Variants in RPS6KA4 observed in about 807,000 individuals in gnomAD.
The protein encoded by RPS6KA4 is ribosomal protein S6 kinase alpha-4.
In RPS6KA4, 38 loss-of-function variants were observed where a neutral mutation model predicts 89.6. The observed-to-expected ratio is 0.42, with a 90% CI of 0.33 to 0.56. The LOEUF is 0.56. Ranked by LOEUF, RPS6KA4 falls within the 20% of genes least tolerant of loss-of-function variation. The probability of loss-of-function intolerance (pLI) is 0.07; values close to 1 mark genes in which losing one functional copy is unlikely to be tolerated. For synonymous variants in RPS6KA4, 495 were observed against 492.8 expected (o/e 1.00, Z -0.06); for missense variants, 873 against 1,098.8 (o/e 0.79, Z 2.90).
In RPS6KA4 at chr11:64,360,545, C is replaced by T; in HGVS notation, c.415C>T (p.Arg139Cys). The change falls in exon 4 of 17, where the codon CGC becomes TGC. Residue 139 changes from arginine to cysteine, a missense_variant. Coordinates refer to ENST00000334205, the MANE Select transcript of RPS6KA4 (RefSeq NM_003942.3). ...CCAGTACTTCAAGGAGGCTGAGGTG[C>T]GCGTGTATGGGGGTGAGATCGTGCT... ...QRQYFKEAEVRVYGGEIVLAL... is the reference protein window; with the variant it reads ...QRQYFKEAEVCVYGGEIVLAL... 2 of 1,612,048 alleles carry T rather than the reference C, an allele frequency of 1.2e-6. No homozygotes were observed. The highest frequency in any genetic ancestry group is 1.7e-6 in the Non-Finnish European group (2 of 1,179,156).
Position 64,361,771 on chromosome 11 carries a change from G to A in RPS6KA4, c.755+26G>A, listed in dbSNP as rs749663382. ...GTGAGTAGGGCTGGACGTGGAGGGCGGCCAGAGGGCTGCAGGGCCTGCCTG... is the reference window on the plus strand; with the variant it reads ...GTGAGTAGGGCTGGACGTGGAGGGCAGCCAGAGGGCTGCAGGGCCTGCCTG... On this transcript the variant is annotated intron_variant, in intron 7 of 16. Coordinates refer to ENST00000334205, the MANE Select transcript of RPS6KA4 (RefSeq NM_003942.3). The surrounding 1 kb of genome is among the most constrained non-coding windows in gnomAD (Gnocchi z 4.7). The A allele has an allele frequency of 1.3e-5, 20 of 1,587,976 alleles. No homozygotes were observed. The highest frequency in any genetic ancestry group is 5.5e-5 in the African/African-American group (4 of 73,234).
At position 64,366,829 on chromosome 11, in the gene RPS6KA4, C is replaced by G. The variant is rs183061605; in HGVS notation, c.1072-1303C>G. The stretch of plus-strand genomic sequence containing the variant: ...CCTTCTGTGCAGTTTATCATGTTGC[C>G]ATAATGATATTATATCATTATCACT... On this transcript the variant is annotated intron_variant, in intron 9 of 16. Coordinates refer to ENST00000334205, the MANE Select transcript of RPS6KA4 (RefSeq NM_003942.3). Among the ~76,000 whole-genome samples, 7 of 152,220 alleles carry G rather than the reference C, an allele frequency of 4.6e-5. No homozygotes were observed. In the East Asian group the frequency reaches 1.4e-3, roughly 29 times the overall value.
chr11:64,365,228 T>G, intron 8 of RPS6KA4, 73 bp from the exon 9 acceptor site: 1 of 1,538,216 alleles, frequency 6.5e-7, no homozygotes, highest in Admixed American at 1.8e-5. Flanking sequence ...AACTGCCCAG[T>G]GAGGGTGGGC....
chr11:64,369,734 G>A lies in RPS6KA4; in HGVS notation c.1638G>A (p.Pro546=), dbSNP rs757408643. ...ACGCCGACGACACGCCCGGGGCCCCGGTGAAAATCATCGACTTCGGGTTCG... is the reference window on the plus strand; with the variant it reads ...ACGCCGACGACACGCCCGGGGCCCCAGTGAAAATCATCGACTTCGGGTTCG... ...ILYADDTPGA[P]VKIIDFGFAR... Residue 546 remains proline, a synonymous_variant, in exon 14 of 17, where the codon CCG becomes CCA. Transcript: ENST00000334205. 14 of 1,611,038 alleles carry A rather than the reference G, an allele frequency of 8.7e-6. No homozygotes were observed. In the East Asian group the frequency reaches 2.2e-4, roughly 26 times the overall value.
At chr11:64,371,185 T>A in intron 16 of RPS6KA4, 98 bp from the exon 17 acceptor site, 1 of 1,175,192 alleles carries the variant, frequency 8.5e-7, no homozygotes, top group Non-Finnish European at 1.2e-6. Context: ...GGCCTTGACC[T>A]AGGCGGCTGG....
intron 3 of RPS6KA4, 43 bp downstream of exon 3, chr11:64,360,424 G>A (rs771317987): frequency 1.1e-5 from 17 of 1,575,698 alleles, no homozygotes; most frequent in South Asian, 2.3e-5. Flanking sequence ...GTGGCTGGGG[G>A]CAGGCGAGGC....
intron 12 of RPS6KA4, among the ~76,000 whole-genome samples, chr11:64,369,224 G>A (rs1222942765): frequency 6.6e-6 from 1 of 152,222 alleles, no homozygotes; most frequent in Non-Finnish European, 1.5e-5. Flanking sequence ...CCGGAAGGCA[G>A]AGGTTGCAGT....
Position 64,371,495 on chromosome 11 carries a change from A to T in RPS6KA4, c.*15A>T, listed in dbSNP as rs1378207902. On this transcript the variant is annotated 3_prime_UTR_variant, in exon 17 of 17. Coordinates refer to ENST00000334205, the MANE Select transcript of RPS6KA4 (RefSeq NM_003942.3). ...CCCCCTCCTAATCCCCACCACTGTG[A>T]CCCCCTTCCCTCATAGGGGCTGTGA... The T allele has an allele frequency of 1.3e-5, 13 of 980,190 alleles. No homozygotes were observed. Among genetic ancestry groups the T allele is most frequent in the Non-Finnish European group, 2.0e-5 (13 of 660,508 alleles). 60.7% of individuals were successfully genotyped at this position (980,190 alleles called of 1,614,324 possible). A position where few individuals can be genotyped will look rare whatever the true frequency, so the allele number is the denominator to read the frequency against.
At position 64,370,834 on chromosome 11, in the gene RPS6KA4, G is replaced by A. The variant is rs774547983; in HGVS notation, c.2121+108G>A. ...AGAAAGGCGAGGTGAGGCCGGGCGC[G>A]GTGGCTCACGCCTGTAATCCCAGCG... is the stretch of plus-strand genomic sequence containing the variant. On this transcript the variant is annotated intron_variant, in intron 16 of 16. Transcript: ENST00000334205. This position sits in a 1 kb window ranked among gnomAD's most constrained non-coding sequence, Gnocchi z 4.1. 1.4e-4 allele frequency: 190 copies of A among 1,338,762 alleles called. No individual in the cohort carries two copies. The highest frequency in any genetic ancestry group is 1.8e-4 in the Non-Finnish European group (181 of 1,012,198). The allele number at this position is 1,338,762 out of a possible 1,614,324, so 82.9% of individuals were successfully genotyped here.
chr11:64,370,175 G>T lies in RPS6KA4; in HGVS notation c.1798-50G>T. 1 of 1,506,724 alleles carries T rather than the reference G, an allele frequency of 6.6e-7. No individual in the cohort carries two copies. Among genetic ancestry groups the T allele is most frequent in the Non-Finnish European group, 8.8e-7 (1 of 1,131,458 alleles). 93.3% of individuals were successfully genotyped at this position (1,506,724 alleles called of 1,614,324 possible). A position where few individuals can be genotyped will look rare whatever the true frequency, so the allele number is the denominator to read the frequency against. On this transcript the variant is annotated intron_variant, in intron 14 of 16. Transcript: ENST00000334205. This position sits in a 1 kb window ranked among gnomAD's most constrained non-coding sequence, Gnocchi z 4.1. ...TGGTTCTGTGGGAGCGGAGGGGTCA[G>T]CCTCGGCACCCCAGCCTGGGCCGGC... is the stretch of plus-strand genomic sequence containing the variant.
In RPS6KA4 at chr11:64,368,768, G is replaced by A. The variant is rs1228851069; in HGVS notation, c.1399G>A (p.Val467Met). The change falls in exon 12 of 17, where the codon GTG (valine) becomes ATG (methionine). Residue 467 changes from valine (V) to methionine (M), a missense_variant. Physicochemically the swap from Val to Met is conservative, Grantham distance 21. Coordinates refer to ENST00000334205, the MANE Select transcript of RPS6KA4 (RefSeq NM_003942.3). Reference protein sequence around the residue: ...LRLCQSHPNVVNLHEVHHDQL... With the variant: ...LRLCQSHPNVMNLHEVHHDQL... ...CCTGTGCCAGTCACACCCCAACGTG[G>A]TGAATCTGCACGAGGTGCATCACGA... The A allele has an allele frequency of 6.4e-7, 1 of 1,572,440 alleles. No individual in the cohort carries two copies. The highest frequency in any genetic ancestry group is 2.3e-5 in the East Asian group (1 of 42,800).
rs191158766 is a variant in RPS6KA4, at chr11:64,367,046, A to T, written c.1072-1086A>T. Among the ~76,000 whole-genome samples, 7 of 152,316 alleles carry T rather than the reference A, an allele frequency of 4.6e-5. No individual in the cohort carries two copies. In the East Asian group the frequency reaches 9.6e-4, roughly 21 times the overall value. On this transcript the variant is annotated intron_variant, in intron 9 of 16. Coordinates refer to ENST00000334205, the MANE Select transcript of RPS6KA4 (RefSeq NM_003942.3). ...CATTCATTCATTTAATGATTCAAAA[A>T]TGTGTAGTGAGTGCCTAAAATATTC...
At position 64,368,610 on chromosome 11, in the gene RPS6KA4, GC is replaced by G. The variant is rs1415953602; in HGVS notation, c.1334+12del. On this transcript the variant is annotated intron_variant, in intron 11 of 16. Transcript: ENST00000334205. The stretch of plus-strand genomic sequence containing the variant: ...AAGATCCTCAGTCGCAGGTGGGAGG[GC>G]CCAGGCGCGGGCAGGGGTGGGGGTG... 1.3e-6 allele frequency: 2 copies of G among 1,595,456 alleles called. No individual in the cohort carries two copies. The highest frequency in any genetic ancestry group is 1.7e-6 in the Non-Finnish European group (2 of 1,173,564).
At position 64,370,633 on chromosome 11, in the gene RPS6KA4, C is replaced by A; in HGVS notation, c.2028C>A (p.Asp676Glu). The A allele has an allele frequency of 6.3e-7, 1 of 1,575,430 alleles. No homozygotes were observed. Among genetic ancestry groups the A allele is most frequent in the Non-Finnish European group, 8.6e-7 (1 of 1,167,894 alleles). Reference sequence around the variant, plus strand: ...TGCGGGGCAGCTCGTGGCTGCAGGACGGCAGCGCGCGCTCCTCGCCCCCGC... The same window carrying A: ...TGCGGGGCAGCTCGTGGCTGCAGGAAGGCAGCGCGCGCTCCTCGCCCCCGC... ...EGLRGSSWLQDGSARSSPPLR... is the reference protein window; with the variant it reads ...EGLRGSSWLQEGSARSSPPLR... Residue 676 changes from aspartate (D) to glutamate (E), a missense_variant, in exon 16 of 17, where the codon GAC becomes GAA. This residue lies in a region of RPS6KA4 where 278 missense variants were observed against 284.8 expected (regional missense o/e 0.98). Transcript: ENST00000334205. This position sits in a 1 kb window ranked among gnomAD's most constrained non-coding sequence, Gnocchi z 4.1.
In RPS6KA4 at chr11:64,372,058, G is replaced by C. The variant is rs2037089709; in HGVS notation, c.*578G>C. The C allele has an allele frequency of 6.6e-6, 1 of 152,554 alleles. No homozygotes were observed. The highest frequency in any genetic ancestry group is 6.5e-5 in the Admixed American group (1 of 15,286). The allele number at this position is 152,554 out of a possible 1,614,324, so 9.5% of individuals were successfully genotyped here. On this transcript the variant is annotated 3_prime_UTR_variant, in exon 17 of 17. Transcript: ENST00000334205. ...AGATAGGTGGCTCCTAAAAGAGGAG[G>C]CCATCTTCTCACCCACCCCTTCCTC...
chr11:64,366,184 T>G (rs1046024167), intron 9 of RPS6KA4, among the ~76,000 whole-genome samples: 1 of 125,146 alleles, frequency 8.0e-6, no homozygotes, highest in Middle Eastern at 3.9e-3. Context: ...TTTTTTTTTT[T>G]TTTTTGAGAC....
rs1215436346 is a variant in RPS6KA4 at position 64,365,412 on chromosome 11, CCTGT to C, written c.1021_1024del (p.Val341ThrfsTer33). 1 of 1,613,996 alleles carries C rather than the reference CCTGT, an allele frequency of 6.2e-7. No individual in the cohort carries two copies. Among genetic ancestry groups the C allele is most frequent in the Non-Finnish European group, 8.5e-7 (1 of 1,180,028 alleles). The stretch of plus-strand genomic sequence containing the variant: ...TGCGGAGGAATTCACTCGGCTGGAG[CCTGT>C]CTACTCACCCCCTGGCAGCCCCCCA... On this transcript the variant is annotated frameshift_variant, in exon 9 of 17. Coordinates refer to ENST00000334205, the MANE Select transcript of RPS6KA4 (RefSeq NM_003942.3). LOFTEE classifies it high-confidence loss of function.
rs201829787 is a variant in RPS6KA4, at chr11:64,369,604, C to T, written c.1587C>T (p.Arg529=). ...ACGAGGAGGCGGGCGTGGTGCACCG[C>T]GACCTCAAGCCGGAGGTGGGCGAGC... is the stretch of plus-strand genomic sequence containing the variant. ...FMHEEAGVVH[R]DLKPENILYA... Residue 529 remains arginine (R), a synonymous_variant, in exon 13 of 17, where the codon CGC becomes CGT. Coordinates refer to ENST00000334205, the MANE Select transcript of RPS6KA4 (RefSeq NM_003942.3). 99 of 1,604,040 alleles carry T rather than the reference C, an allele frequency of 6.2e-5. 1 individual carries two copies. Among genetic ancestry groups the T allele is most frequent in the East Asian group, 2.2e-5 (1 of 44,502 alleles).
chr11:64,367,471 T>A (rs2036915278), intron 9 of RPS6KA4, among the ~76,000 whole-genome samples: 1 of 152,198 alleles, frequency 6.6e-6, no homozygotes. Context: ...CCACCACGCC[T>A]GGCTAATTTT....
Sources: gnomAD v4.1 joint callset for allele counts (sites outside exome capture counted in the v4.1 genomes callset) on GRCh38, gnomAD v4.1.1 for gene constraint, gnomAD v4.1.1 regional missense constraint, Gnocchi (gnomAD v3.1) non-coding constraint, MANE v1.5 for transcripts, NCBI Gene and HGNC (gene_info 2026-07-23, HGNC 2026-07-21) for gene names.